The following XIRP2 variants were observed in gnomAD, a reference collection of about 807,000 sequenced individuals.
XIRP2 encodes the protein xin actin binding repeat containing 2, also known as xin actin-binding repeat-containing protein 2.
In XIRP2, 236 loss-of-function variants were observed where a neutral mutation model predicts 277.0. The observed-to-expected ratio is 0.85, with a 90% CI of 0.77 to 0.95. The LOEUF is 0.95. Ranked by LOEUF, XIRP2 falls within the 40% of genes least tolerant of loss-of-function variation. The probability of loss-of-function intolerance (pLI) is 0.00; values close to 1 mark genes in which losing one functional copy is unlikely to be tolerated. For synonymous variants in XIRP2, 1,490 were observed against 1,416.5 expected, an observed-to-expected ratio of 1.05 and a Z score of -1.17; for missense variants, 4,640 against 4,157.5, an observed-to-expected ratio of 1.12 and a Z score of -3.19.
At chr2:167,028,497 C>T (rs1688237648) in intron 2 of XIRP2, among the ~76,000 whole-genome samples, 1 of 152,100 alleles carries the variant, frequency 6.6e-6, no homozygotes, top group South Asian at 2.1e-4. Context: ...CACAGTGTTA[C>T]TGGGCTTGGG....
intron 5 of XIRP2, among the ~76,000 whole-genome samples, chr2:167,228,799 C>T (rs1257103353): frequency 6.6e-6 from 1 of 152,154 alleles, no homozygotes; most frequent in East Asian, 1.9e-4. Context: ...GTAGGAACAG[C>T]ATTTACCCCA....
Position 167,251,217 on chromosome 2 carries a change from T to C in XIRP2, c.9825T>C (p.Asp3275=). The C allele has an allele frequency of 6.2e-7, 1 of 1,613,604 alleles. No individual in the cohort carries two copies. Among genetic ancestry groups the C allele is most frequent in the Non-Finnish European group, 8.5e-7 (1 of 1,179,724 alleles). ...VEKRATYVHK[D]GLNSTDHMVP... ...AGAGAGCTACTTATGTTCATAAAGA[T>C]GGACTAAATTCCACTGATCACATGG... The change falls in exon 9 of 11, where the codon GAT becomes GAC. Residue 3275 remains aspartate (D), a synonymous_variant. Transcript: ENST00000409195.
intron 2 of XIRP2, among the ~76,000 whole-genome samples, chr2:166,915,978 A>G (rs745628815): frequency 2.0e-5 from 3 of 152,214 alleles, no homozygotes; most frequent in Non-Finnish European, 4.4e-5. Flanking sequence ...AATCTATTGC[A>G]TAATTGGAGG....
intron 2 of XIRP2, among the ~76,000 whole-genome samples, chr2:167,034,277 T>C (rs188566086): frequency 1.3e-5 from 2 of 151,698 alleles, no homozygotes; most frequent in Non-Finnish European, 2.9e-5. Flanking sequence ...TAACATTAAA[T>C]AAAAAAACTT....
At chr2:166,933,083 C>A (rs2105370492) in intron 2 of XIRP2, among the ~76,000 whole-genome samples, 1 of 151,918 alleles carries the variant, frequency 6.6e-6, no homozygotes, top group East Asian at 1.9e-4. Flanking sequence ...CACACACACA[C>A]ACATACACAC....
intron 2 of XIRP2, among the ~76,000 whole-genome samples, chr2:167,088,191 G>A (rs1330127604): frequency 1.3e-5 from 2 of 151,998 alleles, no homozygotes; most frequent in African/African-American, 4.8e-5. Flanking sequence ...TTTCATCTGG[G>A]ACTTGGTCTG....
chr2:166,947,215 C>A (rs1362962385), intron 2 of XIRP2, among the ~76,000 whole-genome samples: 1 of 152,220 alleles, frequency 6.6e-6, no homozygotes, highest in East Asian at 1.9e-4. Context: ...ATGAATACTG[C>A]ATCATTTTTT....
chr2:167,182,334 C>T (rs1311779378), intron 3 of XIRP2, among the ~76,000 whole-genome samples: 1 of 152,036 alleles, frequency 6.6e-6, no homozygotes, highest in African/African-American at 2.4e-5. Context: ...TAGATGGGCC[C>T]CATTGGGTCA....
chr2:166,971,060 T>C (rs553880187), intron 2 of XIRP2, among the ~76,000 whole-genome samples: 5 of 152,110 alleles, frequency 3.3e-5, no homozygotes, highest in Non-Finnish European at 7.4e-5. Context: ...AAATATTAGG[T>C]ACACATTAAG....
chr2:167,146,147 C>T (rs1330966271), intron 3 of XIRP2, among the ~76,000 whole-genome samples: 1 of 150,898 alleles, frequency 6.6e-6, no homozygotes, highest in Non-Finnish European at 1.5e-5. Context: ...ATATGTTATA[C>T]AACTAATTGT....
intron 2 of XIRP2, among the ~76,000 whole-genome samples, chr2:166,918,654 G>A (rs975631674): frequency 2.0e-5 from 3 of 152,086 alleles, no homozygotes; most frequent in African/African-American, 7.2e-5. Context: ...AATGGAATGT[G>A]GAAACTTCCA....
intron 2 of XIRP2, among the ~76,000 whole-genome samples, chr2:167,096,341 T>C (rs2105281272): frequency 6.6e-6 from 1 of 152,296 alleles, no homozygotes; most frequent in East Asian, 1.9e-4. Context: ...TGCATAGAGA[T>C]GTTTCTAGTA....
rs138141812 is a variant in XIRP2, at chr2:167,104,946, C to T, written c.409-30963C>T. On this transcript the variant is annotated intron_variant, in intron 2 of 10. Coordinates refer to ENST00000409195, the MANE Select transcript of XIRP2 (RefSeq NM_152381.6). ...AGATGATCGAATCATCCAATATAAA[C>T]GTTTACTAAAAGCAAAAGCAAGTTC... Among the ~76,000 whole-genome samples the T allele has an allele frequency of 3.5e-3, 531 of 152,042 alleles. 5 individuals carry two copies. The highest frequency in any genetic ancestry group is 7.2e-3 in the South Asian group (35 of 4,828).
rs527859751 is a variant in XIRP2 at position 167,062,821 on chromosome 2, T to C, written c.409-73088T>C. ...TTCATTATGATATTCAAAATTGGTC[T>C]TCTCTTTTTTTTCTCTTGATCAGTC... On this transcript the variant is annotated intron_variant, in intron 2 of 10. Coordinates refer to ENST00000409195, the MANE Select transcript of XIRP2 (RefSeq NM_152381.6). Among the ~76,000 whole-genome samples, 4 of 152,194 alleles carry C rather than the reference T, an allele frequency of 2.6e-5. No individual in the cohort carries two copies. In the South Asian group the frequency reaches 8.3e-4, roughly 32 times the overall value.
rs573980665 is a variant in XIRP2 at position 167,055,333 on chromosome 2, A to G, written c.409-80576A>G. 4.6e-5 allele frequency among the ~76,000 whole-genome samples: 7 copies of G among 152,350 alleles called. No homozygotes were observed. In the South Asian group the frequency reaches 1.4e-3, roughly 32 times the overall value. ...TAAATGAGGTGGAGTAACTCAGCCC[A>G]ACTGCTTCTCTCTATGTAGTGATTT... On this transcript the variant is annotated intron_variant, in intron 2 of 10. Transcript: ENST00000409195.
chr2:167,003,909 A>G (rs1558943698), intron 2 of XIRP2, among the ~76,000 whole-genome samples: 1 of 151,968 alleles, frequency 6.6e-6, no homozygotes, highest in African/African-American at 2.4e-5. Flanking sequence ...GCTATCAAAT[A>G]TATTGCAAAA....
chr2:166,997,475 A>T (rs1391803661), intron 2 of XIRP2, among the ~76,000 whole-genome samples: 1 of 152,226 alleles, frequency 6.6e-6, no homozygotes, highest in Non-Finnish European at 1.5e-5. Context: ...CATAGAGAAT[A>T]GGTTCCATTT....
intron 2 of XIRP2, among the ~76,000 whole-genome samples, chr2:167,111,717 T>C (rs1574264587): frequency 1.3e-5 from 2 of 152,278 alleles, no homozygotes; most frequent in Middle Eastern, 6.8e-3. Flanking sequence ...CTCTCCTCAA[T>C]TTTTTGGAAT....
intron 3 of XIRP2, among the ~76,000 whole-genome samples, chr2:167,139,093 T>TAC (rs1270482072): frequency 6.7e-6 from 1 of 149,948 alleles, no homozygotes; most frequent in Admixed American, 6.7e-5. Flanking sequence ...TGCATATATA[T>TAC]ACGTACGTAT....
Sources: gnomAD v4.1 joint callset for allele counts (sites outside exome capture counted in the v4.1 genomes callset) on GRCh38, gnomAD v4.1.1 for gene constraint, MANE v1.5 for transcripts, NCBI Gene and HGNC (gene_info 2026-07-23, HGNC 2026-07-21) for gene names.